Variants in SP100 observed in about 807,000 individuals in gnomAD.
The protein encoded by SP100 is nuclear autoantigen Sp-100.
SP100 carries 84 observed loss-of-function variants against 130.0 expected under a neutral mutation model. That is an observed-to-expected ratio of 0.65 (90% CI 0.54 to 0.77). The LOEUF is 0.77. Ranked by LOEUF, SP100 falls within the 30% of genes least tolerant of loss-of-function variation. SP100 has a pLI of 0.00. For synonymous variants in SP100, 331 were observed against 351.7 expected (o/e 0.94, Z 0.66); for missense variants, 978 against 1,052.2 (o/e 0.93, Z 0.97).
intron 2 of SP100, among the ~76,000 whole-genome samples, chr2:230,425,305 C>T (rs1431493930): frequency 6.6e-6 from 1 of 151,918 alleles, no homozygotes; most frequent in African/African-American, 2.4e-5. Flanking sequence ...CCCATTCCTC[C>T]GACTTCCAAG....
intron 28 of SP100, 95 bp downstream of exon 28, chr2:230,542,130 C>A: frequency 1.5e-6 from 2 of 1,355,676 alleles, no homozygotes; most frequent in Non-Finnish European, 2.1e-6. Flanking sequence ...ATGTTACAAT[C>A]GCCCTTATCA....
chr2:230,466,072 C>T (rs1467543625), intron 11 of SP100, among the ~76,000 whole-genome samples: 1 of 150,288 alleles, frequency 6.7e-6, no homozygotes, highest in Non-Finnish European at 1.5e-5. Context: ...ATAATCCCAG[C>T]TACTCAGGAG....
chr2:230,541,810 G>C, intron 27 of SP100, 82 bp from the exon 28 acceptor site: 1 of 1,452,406 alleles, frequency 6.9e-7, no homozygotes, highest in East Asian at 2.3e-5. Flanking sequence ...TGGATTGGGG[G>C]AACTCCACAA....
In SP100 at chr2:230,462,518, G is replaced by C; in HGVS notation, c.1057G>C (p.Val353Leu). ...VFISAPRSEPVINNDNPLESN... is the reference protein window; with the variant it reads ...VFISAPRSEPLINNDNPLESN... ...CATCTCAGCACCGAGAAGTGAGCCT[G>C]GTAAGGAAGTTTGGGAGAGCAAGGC... Residue 353 changes from valine to leucine, a missense_variant and splice_region_variant, in exon 10 of 29, where the codon GTG becomes CTG. Transcript: ENST00000340126. The C allele has an allele frequency of 1.2e-6, 2 of 1,611,828 alleles. No individual in the cohort carries two copies. Among genetic ancestry groups the C allele is most frequent in the Non-Finnish European group, 1.7e-6 (2 of 1,178,118 alleles).
intron 17 of SP100, among the ~76,000 whole-genome samples, chr2:230,493,045 G>C (rs1575735321): frequency 6.6e-6 from 1 of 152,018 alleles, no homozygotes; most frequent in Admixed American, 6.6e-5. Flanking sequence ...TGGCTGTTTT[G>C]GGTCAATTTC....
At chr2:230,493,712 C>G (rs1241002067) in intron 17 of SP100, 1 of 151,884 alleles carries the variant, frequency 6.6e-6, no homozygotes, top group Non-Finnish European at 1.5e-5. Context: ...ACAGCTTTAG[C>G]TCTTCAAAGT....
intron 2 of SP100, among the ~76,000 whole-genome samples, chr2:230,424,572 G>T (rs1303032434): frequency 6.6e-6 from 1 of 151,714 alleles, no homozygotes; most frequent in African/African-American, 2.4e-5. Context: ...GGAGGCTGAG[G>T]CAGGGAGAAT....
chr2:230,539,393 C>CATG lies in SP100; in HGVS notation c.2210+12_2210+14dup, dbSNP rs1692076159. On this transcript the variant is annotated intron_variant, in intron 25 of 28. Transcript: ENST00000340126. The stretch of plus-strand genomic sequence containing the variant: ...CGTGGAAGCTAACAAGTGAGTAAGA[C>CATG]ATGTCCCCTTCCCTGAGCCCTTCCT... 6.3e-7 allele frequency: 1 copy of CATG among 1,577,922 alleles called. No individual in the cohort carries two copies. The highest frequency in any genetic ancestry group is 2.2e-5 in the East Asian group (1 of 44,682).
Position 230,444,183 on chromosome 2 carries a change from T to C in SP100, c.276T>C (p.Ser92=). Residue 92 remains serine (S), a synonymous_variant, in exon 4 of 29, where the codon TCT becomes TCC. Coordinates refer to ENST00000340126, the MANE Select transcript of SP100 (RefSeq NM_001080391.2). ...TCCATTCAATATTTTTTAAGGATTC[T>C]CAAGATTCTTGTAGAAACCTGGTCC... ...DLITNKMFED[S]QDSCRNLVPV... 1 of 1,568,090 alleles carries C rather than the reference T, an allele frequency of 6.4e-7. No individual in the cohort carries two copies. Among genetic ancestry groups the C allele is most frequent in the South Asian group, 1.2e-5 (1 of 83,216 alleles).
chr2:230,540,969 G>A lies in SP100; in HGVS notation c.2304G>A (p.Met768Ile). Residue 768 changes from methionine (M) to isoleucine (I), a missense_variant, in exon 26 of 29, where the codon ATG becomes ATA. Met to Ile is a conservative substitution (Grantham distance 10, BLOSUM62 1). Transcript: ENST00000340126. ...QSGHQESEVL[M>I]RQMLPEEQLK... ...GTCATCAGGAATCTGAAGTCCTGATGAGGCAGATGCTGCCTGAGGAGCAGT... is the reference window on the plus strand; with the variant it reads ...GTCATCAGGAATCTGAAGTCCTGATAAGGCAGATGCTGCCTGAGGAGCAGT... 1 of 1,613,442 alleles carries A rather than the reference G, an allele frequency of 6.2e-7. No homozygotes were observed. Among genetic ancestry groups the A allele is most frequent in the South Asian group, 1.1e-5 (1 of 90,996 alleles).
At chr2:230,514,682 T>C (rs1159199660) in intron 24 of SP100, among the ~76,000 whole-genome samples, 1 of 152,232 alleles carries the variant, frequency 6.6e-6, no homozygotes, top group Non-Finnish European at 1.5e-5. Flanking sequence ...ATAGTGATTG[T>C]CCATATAGAC....
chr2:230,485,250 G>A (rs1317991418), intron 17 of SP100, among the ~76,000 whole-genome samples: 2 of 152,082 alleles, frequency 1.3e-5, no homozygotes, highest in Non-Finnish European at 2.9e-5. Flanking sequence ...ACCACACCCA[G>A]CTAAGACTTT....
intron 26 of SP100, 36 bp from the exon 27 acceptor site, chr2:230,541,265 T>C (rs747186870): frequency 1.3e-6 from 2 of 1,583,152 alleles, no homozygotes; most frequent in Non-Finnish European, 1.7e-6. Context: ...TCTCTCTAAA[T>C]TGCATTTAAT....
intron 24 of SP100, among the ~76,000 whole-genome samples, chr2:230,524,507 C>G (rs184618636): frequency 5.9e-5 from 9 of 151,830 alleles, no homozygotes; most frequent in Non-Finnish European, 1.2e-4. Context: ...GTGAAAATAC[C>G]CATGCAGTTA....
At chr2:230,532,872 C>A (rs562449099) in intron 24 of SP100, among the ~76,000 whole-genome samples, 1 of 152,340 alleles carries the variant, frequency 6.6e-6, no homozygotes, top group African/African-American at 2.4e-5. Context: ...CCTCTGCCTC[C>A]TGGGTTCAAG....
Position 230,464,155 on chromosome 2 carries a change from G to C in SP100, c.1141+5G>C. ...CACGACCCCAGATTGTACCAGGTAAGAATATTAGAGTTGCAACCCGAGACT... is the reference window on the plus strand; with the variant it reads ...CACGACCCCAGATTGTACCAGGTAACAATATTAGAGTTGCAACCCGAGACT... On this transcript the variant is annotated splice_donor_5th_base_variant and intron_variant, in intron 11 of 28. Coordinates refer to ENST00000340126, the MANE Select transcript of SP100 (RefSeq NM_001080391.2). 1.3e-6 allele frequency: 2 copies of C among 1,569,052 alleles called. No individual in the cohort carries two copies. The highest frequency in any genetic ancestry group is 1.8e-6 in the Non-Finnish European group (2 of 1,139,026).
At chr2:230,469,208 T>C in intron 14 of SP100, 112 bp downstream of exon 14, 2 of 708,400 alleles carry the variant, frequency 2.8e-6, no homozygotes, top group East Asian at 5.4e-5. Flanking sequence ...GTTGGGATTT[T>C]AGATGATTTG....
chr2:230,535,076 G>C (rs1025885490), intron 24 of SP100, among the ~76,000 whole-genome samples: 9 of 152,168 alleles, frequency 5.9e-5, no homozygotes, highest in African/African-American at 1.7e-4. Context: ...GGCACCTGTA[G>C]TCCCAGCTAC....
intron 2 of SP100, among the ~76,000 whole-genome samples, chr2:230,428,088 A>T (rs369805082): frequency 1.3e-4 from 20 of 152,156 alleles, no homozygotes; most frequent in African/African-American, 4.6e-4. Context: ...AAAATTAGCC[A>T]GGCGTGGTGG....
Sources: allele counts gnomAD v4.1 joint callset (sites outside exome capture counted in the v4.1 genomes callset), GRCh38; gene constraint gnomAD v4.1.1; transcripts MANE v1.5; gene names NCBI Gene and HGNC (gene_info 2026-07-23, HGNC 2026-07-21).